The following GLA variants were observed in gnomAD, a reference collection of about 807,000 sequenced individuals.
GLA encodes the protein alpha-galactosidase A.
A neutral mutation model predicts 28.2 loss-of-function variants in GLA; 4 were observed. That is an observed-to-expected ratio of 0.14 (90% CI 0.07 to 0.32). The LOEUF (loss-of-function observed/expected upper bound fraction) is 0.32, where lower values mean the gene tolerates loss of function less well. Ranked by LOEUF, GLA falls within the 10% of genes least tolerant of loss-of-function variation. GLA has a pLI of 1.00. For synonymous variants in GLA, 94 were observed against 113.0 expected, an observed-to-expected ratio of 0.83 and a Z score of 1.07; for missense variants, 203 against 323.7, an observed-to-expected ratio of 0.63 and a Z score of 2.86.
At chrX:101,402,591 T>C (rs947019473) in intron 2 of GLA, among the ~76,000 whole-genome samples, 2 of 109,795 alleles carry the variant, frequency 1.8e-5, no homozygotes, top group Non-Finnish European at 3.8e-5. Flanking sequence ...GGTGAAACCT[T>C]GTCTCTACTA....
chrX:101,401,888 C>G lies in GLA; in HGVS notation c.370-79G>C, dbSNP rs1023433. 2 of 758,673 alleles carry G rather than the reference C, an allele frequency of 2.6e-6. No individual in the cohort carries two copies. The highest frequency in any genetic ancestry group is 2.8e-5 in the Admixed American group (1 of 36,225). 62.5% of individuals were successfully genotyped at this position (758,673 alleles called of 1,213,427 possible). On this transcript the variant is annotated intron_variant, in intron 2 of 6. Coordinates refer to ENST00000218516, the MANE Select transcript of GLA (RefSeq NM_000169.3). ...AGCAGAAAGAGAGAACCATTCCAGG[C>G]TGGGGGAAGAGACAAGGTTACTTCA...
intron 2 of GLA, 47 bp from the exon 3 acceptor site, chrX:101,401,856 G>A (rs1555985882): frequency 1.0e-5 from 11 of 1,094,148 alleles, no homozygotes; most frequent in South Asian, 3.7e-5. Context: ...AAGCACAATC[G>A]TGAGGTAGCA....
chrX:101,404,277 A>G (rs1928421017), intron 1 of GLA, among the ~76,000 whole-genome samples: 1 of 112,192 alleles, frequency 8.9e-6, no homozygotes, highest in African/African-American at 3.2e-5. Context: ...CAGAAACTAC[A>G]AAGTTAACAT....
At chrX:101,399,534 AG>A (rs1555985308) in intron 4 of GLA, among the ~76,000 whole-genome samples, 1 of 112,126 alleles carries the variant, frequency 8.9e-6, no homozygotes, top group Admixed American at 9.4e-5. Flanking sequence ...ACTGCACTCT[AG>A]CCTGGGTGAC....
At chrX:101,399,026 G>A in intron 4 of GLA, 80 bp from the exon 5 acceptor site, 3 of 868,517 alleles carry the variant, frequency 3.5e-6, no homozygotes, top group Non-Finnish European at 5.1e-6. Context: ...GGAGGCACTT[G>A]TAGCCTTCTC....
At chrX:101,404,990 C>T (rs1259270844) in intron 1 of GLA, among the ~76,000 whole-genome samples, 1 of 109,693 alleles carries the variant, frequency 9.1e-6, no homozygotes, top group African/African-American at 3.3e-5. Flanking sequence ...GTAATAACAG[C>T]ATTTTGGGAG....
intron 1 of GLA, among the ~76,000 whole-genome samples, chrX:101,404,742 G>A (rs1928443048): frequency 9.2e-6 from 1 of 108,529 alleles, no homozygotes; most frequent in Admixed American, 9.8e-5. Context: ...GCTAATTTTT[G>A]TATCTTTAGT....
In GLA at chrX:101,401,689, C is replaced by T. The variant is rs869312144; in HGVS notation, c.490G>A (p.Val164Ile). Residue 164 changes from valine to isoleucine, a missense_variant, in exon 3 of 7, where the codon GTA becomes ATA. Val to Ile is a conservative substitution (Grantham distance 29). Coordinates refer to ENST00000218516, the MANE Select transcript of GLA (RefSeq NM_000169.3). ...IDAQTFADWG[V>I]DLLKFDGCYC... ...CAACCATCAAATTTTAGCAGATCTA[C>T]TCCCCAGTCAGCAAAGGTCTGGGCA... The T allele has an allele frequency of 3.3e-6, 4 of 1,210,436 alleles. No individual in the cohort carries two copies. In the South Asian group the frequency reaches 7.0e-5, roughly 21 times the overall value.
At chrX:101,398,165 C>T in intron 6 of GLA, 66 bp from the exon 7 acceptor site, 1 of 997,988 alleles carries the variant, frequency 1.0e-6, no homozygotes, top group South Asian at 1.9e-5. Context: ...GTTTGGCATT[C>T]ATTCTTAATG....
rs782498765 is a variant in GLA, at chrX:101,407,872, C to T, written c.32G>A (p.Gly11Asp). The change falls in exon 1 of 7, where the codon GGC (glycine) becomes GAC (aspartate). Residue 11 changes from glycine to aspartate, a missense_variant. By Grantham distance (94) the Gly-to-Asp change is moderately conservative. Coordinates refer to ENST00000218516, the MANE Select transcript of GLA (RefSeq NM_000169.3). MQLRNPELHLGCALALRFLAL... is the reference protein window; with the variant it reads MQLRNPELHLDCALALRFLAL... ...CAGGAAGCGAAGCGCAAGCGCGCAG[C>T]CCAGATGTAGTTCTGGGTTCCTCAG... 1 of 1,211,654 alleles carries T rather than the reference C, an allele frequency of 8.3e-7. No homozygotes were observed. The highest frequency in any genetic ancestry group is 1.8e-5 in the South Asian group (1 of 57,022).
At position 101,397,820 on chromosome X, in the gene GLA, C is replaced by T. The variant is rs1555984721; in HGVS notation, c.1279G>A (p.Asp427Asn). 2 of 1,200,310 alleles carry T rather than the reference C, an allele frequency of 1.7e-6. No homozygotes were observed. The highest frequency in any genetic ancestry group is 2.3e-6 in the Non-Finnish European group (2 of 884,886). ...ATAAAATAAACATTTTAAAGTAAGTCTTTTAATGACATCTGCATTGTATTT... is the reference window on the plus strand; with the variant it reads ...ATAAAATAAACATTTTAAAGTAAGTTTTTTAATGACATCTGCATTGTATTT... ...LENTMQMSLK[D>N]LL Residue 427 changes from aspartate to asparagine, a missense_variant, in exon 7 of 7, where the codon GAC becomes AAC. Physicochemically the swap from Asp to Asn is conservative, Grantham distance 23 (BLOSUM62 1). This residue lies in a region of GLA where 162 missense variants were observed against 246.8 expected (regional missense o/e 0.66). Transcript: ENST00000218516.
In GLA at chrX:101,397,837, A is replaced by C; in HGVS notation, c.1262T>G (p.Met421Arg). The C allele has an allele frequency of 8.3e-7, 1 of 1,207,128 alleles. No homozygotes were observed. The highest frequency in any genetic ancestry group is 1.1e-6 in the Non-Finnish European group (1 of 890,883). ...AAGTAAGTCTTTTAATGACATCTGC[A>C]TTGTATTTTCTAGCTGAAGCAAAAC... ...GTVLLQLENT[M>R]QMSLKDLL The change falls in exon 7 of 7, where the codon ATG (methionine) becomes AGG (arginine). Residue 421 changes from methionine (M) to arginine (R), a missense_variant. Transcript: ENST00000218516.
intron 2 of GLA, among the ~76,000 whole-genome samples, chrX:101,402,589 C>T (rs1406247354): frequency 9.0e-6 from 1 of 110,806 alleles, no homozygotes; most frequent in Non-Finnish European, 1.9e-5. Context: ...ATGGTGAAAC[C>T]TTGTCTCTAC....
chrX:101,401,394 C>A (rs2147476996), intron 3 of GLA: 1 of 424,123 alleles, frequency 2.4e-6, no homozygotes, highest in Admixed American at 3.9e-5. Context: ...ACTCTTAGAG[C>A]CCTCTTGAAT....
intron 6 of GLA, 26 bp from the exon 7 acceptor site, chrX:101,398,125 C>CT: frequency 8.5e-7 from 1 of 1,180,740 alleles, no homozygotes; most frequent in South Asian, 1.8e-5. Flanking sequence ...AGTGTGGTTG[C>CT]TTAGCAACTA....
chrX:101,399,755 G>A (rs1429490843), intron 4 of GLA: 2 of 112,219 alleles, frequency 1.8e-5, no homozygotes, highest in Non-Finnish European at 3.8e-5. Flanking sequence ...CTCTAGTGGG[G>A]AGACATGGTA....
rs1391698794 is a variant in GLA at position 101,399,580 on chromosome X, TAGGC to T, written c.640-638_640-635del. Among the ~76,000 whole-genome samples, 3 of 112,043 alleles carry T rather than the reference TAGGC, an allele frequency of 2.7e-5. No individual in the cohort carries two copies. In the Admixed American group the frequency reaches 2.9e-4, roughly 11 times the overall value. ...CTGTCGCAAAAAAAAAGTTTGTAGA[TAGGC>T]AGGTGGGATATCAGGTTTAAGATGT... On this transcript the variant is annotated intron_variant, in intron 4 of 6. Coordinates refer to ENST00000218516, the MANE Select transcript of GLA (RefSeq NM_000169.3).
In GLA at chrX:101,401,810, C is replaced by A. The variant is rs869312287; in HGVS notation, c.370-1G>T. Reference sequence around the variant, plus strand: ...CTAGCTTCAGTCCTTTGCTGTGAACCTGAAATGAGAGGGAGGAAAAGAGTC... The same window carrying A: ...CTAGCTTCAGTCCTTTGCTGTGAACATGAAATGAGAGGGAGGAAAAGAGTC... On this transcript the variant is annotated splice_acceptor_variant, in intron 2 of 6. Coordinates refer to ENST00000218516, the MANE Select transcript of GLA (RefSeq NM_000169.3). LOFTEE classifies it high-confidence loss of function. The A allele has an allele frequency of 8.3e-7, 1 of 1,205,043 alleles. No individual in the cohort carries two copies. Among genetic ancestry groups the A allele is most frequent in the Non-Finnish European group, 1.1e-6 (1 of 890,620 alleles).
chrX:101,402,761 CA>C (rs373426188), intron 2 of GLA, among the ~76,000 whole-genome samples: 29 of 104,119 alleles, frequency 2.8e-4, no homozygotes, highest in African/African-American at 3.5e-4. Flanking sequence ...GAGACTCCGT[CA>C]AAAAAAAAAA....
Sources: allele counts gnomAD v4.1 joint callset (sites outside exome capture counted in the v4.1 genomes callset), GRCh38; gene constraint gnomAD v4.1.1; regional missense constraint gnomAD v4.1.1; transcripts MANE v1.5; gene names NCBI Gene and HGNC (gene_info 2026-07-23, HGNC 2026-07-21).